Variants in NRP2 observed in about 807,000 individuals in gnomAD.
The protein encoded by NRP2 is neuropilin-2.
In NRP2, 52 loss-of-function variants were observed where a neutral mutation model predicts 110.4. The ratio of observed to expected loss-of-function variants is 0.47; its 90% CI spans 0.38 to 0.59. The LOEUF (loss-of-function observed/expected upper bound fraction) is 0.59, where lower values mean the gene tolerates loss of function less well. NRP2 is among the 20% of genes least tolerant of loss of function. NRP2 has a pLI of 0.00. For synonymous variants in NRP2, 508 were observed against 468.9 expected, an observed-to-expected ratio of 1.08 and a Z score of -1.08; for missense variants, 1,049 against 1,203.0, an observed-to-expected ratio of 0.87 and a Z score of 1.89.
At position 205,752,885 on chromosome 2, in the gene NRP2, G is replaced by A. The variant is rs183448761; in HGVS notation, c.1954G>A (p.Glu652Lys). 2.6e-5 allele frequency: 42 copies of A among 1,613,994 alleles called. No individual in the cohort carries two copies. Among genetic ancestry groups the A allele is most frequent in the East Asian group, 4.5e-5 (2 of 44,868 alleles). The change falls in exon 12 of 17, where the codon GAG (glutamate) becomes AAG (lysine). Residue 652 changes from glutamate (E) to lysine (K), a missense_variant. Transcript: ENST00000357785. ...SGFNCNFDFL[E>K]EPCGWMYDHA... ...ATTCAATTGCAACTTCGATTTCCTC[G>A]AGGAGCCCTGTGGTTGGATGTATGA...
Position 205,734,769 on chromosome 2 carries a change from T to C in NRP2, c.1147-5750T>C, listed in dbSNP as rs184117100. Among the ~76,000 whole-genome samples, 425 of 152,256 alleles carry C rather than the reference T, an allele frequency of 2.8e-3. 2 individuals carry two copies. Among genetic ancestry groups the C allele is most frequent in the Admixed American group, 7.8e-3 (119 of 15,286 alleles). On this transcript the variant is annotated intron_variant, in intron 7 of 16. Coordinates refer to ENST00000357785, the MANE Select transcript of NRP2 (RefSeq NM_003872.3). ...ACTTTGGAGGCAATGAAACATTTATTAGTGGAGAGAAATATTTATTTTAAA... is the reference window on the plus strand; with the variant it reads ...ACTTTGGAGGCAATGAAACATTTATCAGTGGAGAGAAATATTTATTTTAAA...
chr2:205,783,831 T>A (rs1356221109), intron 15 of NRP2, among the ~76,000 whole-genome samples: 1 of 152,230 alleles, frequency 6.6e-6, no homozygotes, highest in Non-Finnish European at 1.5e-5. Context: ...AAAGTGGCTT[T>A]GACTTTGAAC....
At chr2:205,772,215 G>T (rs572742608) in intron 15 of NRP2, among the ~76,000 whole-genome samples, 1 of 152,350 alleles carries the variant, frequency 6.6e-6, no homozygotes, top group Admixed American at 6.5e-5. Flanking sequence ...TGTGAAGCCC[G>T]TAGACCAATG....
In NRP2 at chr2:205,726,194, C is replaced by T. The variant is rs1314671599; in HGVS notation, c.990+112C>T. On this transcript the variant is annotated intron_variant, in intron 6 of 16. Transcript: ENST00000357785. The stretch of plus-strand genomic sequence containing the variant: ...CACAAAGAAAATAAACACAGCATAC[C>T]TGAGAACTCCATTCATTCATTCATC... 3.2e-5 allele frequency: 34 copies of T among 1,060,000 alleles called. No homozygotes were observed. In the Admixed American group the frequency reaches 5.6e-4, roughly 18 times the overall value. 65.7% of individuals were successfully genotyped at this position (1,060,000 alleles called of 1,614,324 possible).
At chr2:205,737,894 T>C (rs1279778767) in intron 7 of NRP2, among the ~76,000 whole-genome samples, 1 of 152,142 alleles carries the variant, frequency 6.6e-6, no homozygotes, top group African/African-American at 2.4e-5. Context: ...CATGTATCCA[T>C]GGGAAGACTG....
At chr2:205,738,752 G>A (rs1251276805) in intron 7 of NRP2, among the ~76,000 whole-genome samples, 1 of 152,236 alleles carries the variant, frequency 6.6e-6, no homozygotes, top group African/African-American at 2.4e-5. Flanking sequence ...TAGGACCCGG[G>A]TGGGAGGACT....
chr2:205,686,868 C>A lies in NRP2; in HGVS notation c.73+3505C>A, dbSNP rs1006567001. Reference sequence around the variant, plus strand: ...AGACAGAGAGGAGAGCCCCCTGGCGCTAGCCATTCCCGATCAGCGCCCACT... The same window carrying A: ...AGACAGAGAGGAGAGCCCCCTGGCGATAGCCATTCCCGATCAGCGCCCACT... On this transcript the variant is annotated intron_variant, in intron 1 of 16. Coordinates refer to ENST00000357785, the MANE Select transcript of NRP2 (RefSeq NM_003872.3). This position sits in a 1 kb window ranked among gnomAD's most constrained non-coding sequence, Gnocchi z 4.7. Among the ~76,000 whole-genome samples the A allele has an allele frequency of 1.3e-5, 2 of 152,204 alleles. No homozygotes were observed. The highest frequency in any genetic ancestry group is 4.8e-5 in the African/African-American group (2 of 41,452).
intron 2 of NRP2, among the ~76,000 whole-genome samples, chr2:205,705,131 C>G (rs1204069923): frequency 6.8e-6 from 1 of 146,598 alleles, no homozygotes; most frequent in Non-Finnish European, 1.5e-5. Context: ...AAGAGAAACT[C>G]AAAAGATAAT....
intron 3 of NRP2, among the ~76,000 whole-genome samples, chr2:205,719,916 A>G (rs2056976890): frequency 6.6e-6 from 1 of 152,218 alleles, no homozygotes; most frequent in African/African-American, 2.4e-5. Flanking sequence ...AGACAATCTT[A>G]GCCTTGAGTG....
rs868652089 is a variant in NRP2, at chr2:205,698,218, G to A, written c.251+497G>A. Among the ~76,000 whole-genome samples the A allele has an allele frequency of 2.4e-5, 3 of 124,134 alleles. No individual in the cohort carries two copies. In the South Asian group the frequency reaches 7.4e-4, roughly 31 times the overall value. 81.4% of individuals were successfully genotyped at this position (124,134 alleles called of 152,430 possible). The stretch of plus-strand genomic sequence containing the variant: ...CTGGTTTTCTTATAGAAAAAAAAAA[G>A]GGTAAAAAAAAAAAAAATCTAAGTA... On this transcript the variant is annotated intron_variant, in intron 2 of 16. Transcript: ENST00000357785.
rs2056849060 is a variant in NRP2 at position 205,714,134 on chromosome 2, A to T, written c.252-2059A>T. On this transcript the variant is annotated intron_variant, in intron 2 of 16. Transcript: ENST00000357785. ...CTCACTGAGTGCCAGACTATGGACT[A>T]ACACTTTAGATAGATTAGATTTTGT... 2.6e-5 allele frequency among the ~76,000 whole-genome samples: 4 copies of T among 152,202 alleles called. No homozygotes were observed. In the South Asian group the frequency reaches 8.3e-4, roughly 31 times the overall value.
chr2:205,719,259 T>C (rs971300422), intron 3 of NRP2, among the ~76,000 whole-genome samples: 15 of 152,242 alleles, frequency 9.9e-5, no homozygotes, highest in Middle Eastern at 3.4e-3. Context: ...AAGCCTTCGA[T>C]GGTACATTAC....
chr2:205,704,913 C>T (rs188838562), intron 2 of NRP2, among the ~76,000 whole-genome samples: 1 of 152,290 alleles, frequency 6.6e-6, no homozygotes, highest in East Asian at 1.9e-4. Context: ...CATCTAATTA[C>T]ACCGGCTGAG....
chr2:205,741,394 A>G (rs2057439598), intron 8 of NRP2, among the ~76,000 whole-genome samples: 1 of 152,208 alleles, frequency 6.6e-6, no homozygotes, highest in Non-Finnish European at 1.5e-5. Context: ...AAGGTGCACC[A>G]GGCAATGGTC....
At position 205,776,164 on chromosome 2, in the gene NRP2, GTTTC is replaced by G. The variant is rs750901925; in HGVS notation, c.2425+9369_2425+9372del. On this transcript the variant is annotated intron_variant, in intron 15 of 16. Coordinates refer to ENST00000357785, the MANE Select transcript of NRP2 (RefSeq NM_003872.3). ...CCTGTATGTCCCAAAGCATGTGTGT[GTTTC>G]TTTCTTTTTTTAAATTAGTCTTTTG... is the stretch of plus-strand genomic sequence containing the variant. The G allele has an allele frequency of 5.3e-5, 73 of 1,367,574 alleles. No individual in the cohort carries two copies. The Middle Eastern group carries it at 8.9e-4, about 17-fold the overall frequency. 84.7% of individuals were successfully genotyped at this position (1,367,574 alleles called of 1,614,324 possible). A position where few individuals can be genotyped will look rare whatever the true frequency, so the allele number is the denominator to read the frequency against.
chr2:205,762,358 T>C (rs540745157), intron 12 of NRP2: 1 of 152,366 alleles, frequency 6.6e-6, no homozygotes, highest in East Asian at 1.9e-4. Flanking sequence ...GGGCCACTGA[T>C]GGGAGGTCCA....
intron 12 of NRP2, chr2:205,756,674 T>G (rs2057739503): frequency 2.0e-5 from 3 of 152,168 alleles, no homozygotes; most frequent in African/African-American, 7.2e-5. Context: ...CTTTGGACAC[T>G]CACATGAGAG....
At chr2:205,702,475 C>CT (rs1408064523) in intron 2 of NRP2, among the ~76,000 whole-genome samples, 1 of 152,136 alleles carries the variant, frequency 6.6e-6, no homozygotes, top group African/African-American at 2.4e-5. Context: ...TGCTCACAAT[C>CT]TTTTTTTCTG....
intron 1 of NRP2, among the ~76,000 whole-genome samples, chr2:205,683,892 G>T (rs1468052761): frequency 6.6e-6 from 1 of 152,208 alleles, no homozygotes; most frequent in East Asian, 1.9e-4. Flanking sequence ...GAATCATAAG[G>T]CTCAGGCTGG....
Sources: allele counts gnomAD v4.1 joint callset (sites outside exome capture counted in the v4.1 genomes callset), GRCh38; gene constraint gnomAD v4.1.1; non-coding constraint Gnocchi (gnomAD v3.1); transcripts MANE v1.5; gene names NCBI Gene and HGNC (gene_info 2026-07-23, HGNC 2026-07-21).